Variants in ZFP64 observed in about 807,000 individuals in gnomAD.
The protein encoded by ZFP64 is ZFP64 zinc finger protein.
In ZFP64, 14 loss-of-function variants were observed where a neutral mutation model predicts 51.6. That is an observed-to-expected ratio of 0.27 (90% CI 0.18 to 0.42). The LOEUF is 0.42. Ranked by LOEUF, ZFP64 falls within the 10% of genes least tolerant of loss-of-function variation. The pLI, the probability that ZFP64 is intolerant of heterozygous loss-of-function variation, is 1.00. For synonymous variants in ZFP64, 375 were observed against 361.4 expected (o/e 1.04, Z -0.43); for missense variants, 754 against 906.8 (o/e 0.83, Z 2.16).
At chr20:52,145,395 G>A (rs184070253) in intron 5 of ZFP64, among the ~76,000 whole-genome samples, 4 of 152,326 alleles carry the variant, frequency 2.6e-5, no homozygotes, top group Admixed American at 6.5e-5. Flanking sequence ...GCTCATGCCT[G>A]TAATCCCAGC....
At chr20:52,110,321 C>T in intron 5 of ZFP64, 1 of 471,722 alleles carries the variant, frequency 2.1e-6, no homozygotes, top group Non-Finnish European at 3.8e-6. Flanking sequence ...CTACCAAACC[C>T]TGGAAAACCA....
At chr20:52,097,452 GATT>G in intron 6 of ZFP64, 1 of 1,521,404 alleles carries the variant, frequency 6.6e-7, no homozygotes, top group Non-Finnish European at 8.8e-7. Context: ...AAGAAAAATA[GATT>G]TTTTTTTTTT....
In ZFP64 at chr20:52,152,133, GTTTT is replaced by G. The variant is rs3838014; in HGVS notation, c.*9_*12del. 4 of 1,601,958 alleles carry G rather than the reference GTTTT, an allele frequency of 2.5e-6. No homozygotes were observed. In the African/African-American group the frequency reaches 5.4e-5, roughly 22 times the overall value. Reference sequence around the variant, plus strand: ...TCAATTCCTTTCCCCCACTCCTTTTGTTTTTTTAAGCACTAATCTGGAATGGAGT... The same window carrying G: ...TCAATTCCTTTCCCCCACTCCTTTTGTTTAAGCACTAATCTGGAATGGAGT... On this transcript the variant is annotated 3_prime_UTR_variant, in exon 6 of 6. Transcript: ENST00000216923.
intron 5 of ZFP64, among the ~76,000 whole-genome samples, chr20:52,119,223 G>A (rs1979033611): frequency 6.6e-6 from 1 of 151,800 alleles, no homozygotes; most frequent in African/African-American, 2.4e-5. Context: ...CTTGTACAAA[G>A]ACCAGGAGGG....
At chr20:52,134,051 AAGG>A (rs1269383638) in intron 5 of ZFP64, among the ~76,000 whole-genome samples, 3 of 145,206 alleles carry the variant, frequency 2.1e-5, no homozygotes, top group African/African-American at 7.5e-5. Flanking sequence ...AAAAAAAAAA[AAGG>A]AGGACTTTTC....
At chr20:52,098,917 G>A (rs372964218) in intron 5 of ZFP64, among the ~76,000 whole-genome samples, 6 of 150,526 alleles carry the variant, frequency 4.0e-5, no homozygotes, top group East Asian at 3.9e-4. Context: ...CAGGAGAATC[G>A]CTGGAACCTG....
At chr20:52,099,464 G>A (rs1164418840) in intron 5 of ZFP64, among the ~76,000 whole-genome samples, 2 of 152,178 alleles carry the variant, frequency 1.3e-5, no homozygotes, top group Non-Finnish European at 2.9e-5. Flanking sequence ...AGATGGAAGA[G>A]GAGAAAAAGC....
At chr20:52,182,774 C>T (rs1983701786) in intron 2 of ZFP64, among the ~76,000 whole-genome samples, 1 of 152,074 alleles carries the variant, frequency 6.6e-6, no homozygotes, top group Non-Finnish European at 1.5e-5. Context: ...AAGGGAGCCG[C>T]TATTTGGTTG....
exon 9 of ZFP64, chr20:52,084,529 C>T (rs1436421111): frequency 2.5e-5 from 40 of 1,588,006 alleles, no homozygotes; most frequent in Non-Finnish European, 2.7e-5. Context: ...TCAGAAGTTC[C>T]GACAGCTGAC....
At chr20:52,174,083 A>G (rs897794247) in intron 2 of ZFP64, among the ~76,000 whole-genome samples, 1 of 152,138 alleles carries the variant, frequency 6.6e-6, no homozygotes, top group African/African-American at 2.4e-5. Context: ...GTTTCTTTCC[A>G]TTACTGTTCC....
chr20:52,141,289 C>T (rs1046531417), intron 5 of ZFP64, among the ~76,000 whole-genome samples: 5 of 152,134 alleles, frequency 3.3e-5, no homozygotes, highest in South Asian at 2.1e-4. Flanking sequence ...AAGACTATAG[C>T]GGTGATAGTG....
intron 7 of ZFP64, among the ~76,000 whole-genome samples, chr20:52,094,832 C>T (rs1002892401): frequency 1.3e-5 from 2 of 152,132 alleles, no homozygotes; most frequent in Non-Finnish European, 2.9e-5. Flanking sequence ...CCTCAGTATT[C>T]CTAGCTTTCT....
At chr20:52,172,489 A>T (rs953981401) in intron 2 of ZFP64, among the ~76,000 whole-genome samples, 1 of 152,070 alleles carries the variant, frequency 6.6e-6, no homozygotes, top group African/African-American at 2.4e-5. Flanking sequence ...GTTATTATTT[A>T]TCTGTATTCA....
chr20:52,159,640 C>G (rs889783341), intron 5 of ZFP64, among the ~76,000 whole-genome samples: 7 of 152,172 alleles, frequency 4.6e-5, no homozygotes, highest in Non-Finnish European at 1.0e-4. Context: ...CACTTGAGGT[C>G]AGGAGTTCAA....
At chr20:52,096,890 G>A (rs531571195) in intron 7 of ZFP64, 2 of 353,522 alleles carry the variant, frequency 5.7e-6, no homozygotes, top group African/African-American at 2.1e-5. Flanking sequence ...CTCTGTCTCA[G>A]AGAAAAAAAC....
At chr20:52,111,108 G>A (rs1475941674) in intron 5 of ZFP64, 9 of 876,844 alleles carry the variant, frequency 1.0e-5, no homozygotes, top group Non-Finnish European at 1.7e-5. Context: ...AGAGAGACGC[G>A]GAGCGGGGCA....
intron 5 of ZFP64, among the ~76,000 whole-genome samples, chr20:52,144,520 C>T (rs1980416489): frequency 7.4e-6 from 1 of 134,840 alleles, no homozygotes; most frequent in South Asian, 2.3e-4. Context: ...GTGGAGGTTG[C>T]AGTGAGCCGA....
intron 5 of ZFP64, among the ~76,000 whole-genome samples, chr20:52,125,955 C>T (rs568440180): frequency 1.3e-5 from 2 of 152,056 alleles, no homozygotes; most frequent in African/African-American, 4.8e-5. Context: ...CATCTTGGCT[C>T]ACTGCAACCT....
intron 5 of ZFP64, among the ~76,000 whole-genome samples, chr20:52,146,088 C>A (rs1248208878): frequency 1.3e-5 from 2 of 150,048 alleles, no homozygotes; most frequent in Non-Finnish European, 3.0e-5. Flanking sequence ...AAAAAAAAAA[C>A]AAACTAAGAC....
Sources: allele counts gnomAD v4.1 joint callset (sites outside exome capture counted in the v4.1 genomes callset), GRCh38; gene constraint gnomAD v4.1.1; transcripts MANE v1.5; gene names NCBI Gene and HGNC (gene_info 2026-07-23, HGNC 2026-07-21).